The following LRRC4C variants were observed in gnomAD, a reference collection of about 807,000 sequenced individuals.
LRRC4C encodes the protein leucine rich repeat containing 4C, also known as leucine-rich repeat-containing protein 4C.
In LRRC4C, 5 loss-of-function variants were observed where a neutral mutation model predicts 33.6. That is an observed-to-expected ratio of 0.15 (90% CI 0.08 to 0.31). LRRC4C has a LOEUF of 0.31. Ranked by LOEUF, LRRC4C falls within the 10% of genes least tolerant of loss-of-function variation. LRRC4C has a pLI of 1.00. For synonymous variants in LRRC4C, 329 were observed against 302.0 expected (o/e 1.09, Z -0.93); for missense variants, 560 against 796.7 (o/e 0.70, Z 3.58).
chr11:40,786,289 T>C (rs919739950), intron 2 of LRRC4C, among the ~76,000 whole-genome samples: 8 of 152,236 alleles, frequency 5.3e-5, no homozygotes, highest in Non-Finnish European at 1.0e-4. Flanking sequence ...TGCAACTTGC[T>C]TTGGCCAATG....
At position 40,443,761 on chromosome 11, in the gene LRRC4C, G is replaced by C. The variant is rs981500500; in HGVS notation, c.-269-124040C>G. ...AGCAGAAAAATAAAATTTTAAAAACGTATTTTCAAAAATAAAAAGTGTGTT... is the reference window on the plus strand; with the variant it reads ...AGCAGAAAAATAAAATTTTAAAAACCTATTTTCAAAAATAAAAAGTGTGTT... On this transcript the variant is annotated intron_variant, in intron 3 of 6. Coordinates refer to ENST00000528697, the MANE Select transcript of LRRC4C (RefSeq NM_001258419.2). Among the ~76,000 whole-genome samples, 5 of 152,044 alleles carry C rather than the reference G, an allele frequency of 3.3e-5. 1 individual carries two copies.
At chr11:41,123,286 T>G (rs1172436553) in intron 1 of LRRC4C, among the ~76,000 whole-genome samples, 4 of 123,890 alleles carry the variant, frequency 3.2e-5, no homozygotes, top group Non-Finnish European at 5.0e-5. Context: ...TTTTTTTTTT[T>G]TTTTGAGACG....
rs1030595355 is a variant in LRRC4C, at chr11:41,303,369, G to A, written c.-496+156062C>T. Among the ~76,000 whole-genome samples, 22 of 120,168 alleles carry A rather than the reference G, an allele frequency of 1.8e-4. 1 individual carries two copies. The highest frequency in any genetic ancestry group is 1.2e-4 in the African/African-American group (4 of 32,916). 78.8% of individuals were successfully genotyped at this position (120,168 alleles called of 152,430 possible). On this transcript the variant is annotated intron_variant, in intron 1 of 6. Transcript: ENST00000528697. The stretch of plus-strand genomic sequence containing the variant: ...CTCCCGAGGTGCCGGGATTGCAGAC[G>A]GAGTCTCGTTCACTCAGTGCTCAAT...
intron 1 of LRRC4C, among the ~76,000 whole-genome samples, chr11:41,035,772 T>C (rs912086383): frequency 1.3e-5 from 2 of 152,142 alleles, no homozygotes; most frequent in African/African-American, 4.8e-5. Flanking sequence ...TTTTAGACAA[T>C]AAATATGTAG....
rs796659110 is a variant in LRRC4C, at chr11:40,724,944, A to T, written c.-406-76666T>A. On this transcript the variant is annotated intron_variant, in intron 2 of 6. Transcript: ENST00000528697. The stretch of plus-strand genomic sequence containing the variant: ...TCAGTCTTGGCAGATGAGGGATATG[A>T]TAACCAAGACCCCACGAATCTCACA... Among the ~76,000 whole-genome samples, 5 of 152,294 alleles carry T rather than the reference A, an allele frequency of 3.3e-5. 1 individual carries two copies. The highest frequency in any genetic ancestry group is 1.2e-4 in the African/African-American group (5 of 41,576).
intron 2 of LRRC4C, among the ~76,000 whole-genome samples, chr11:40,908,215 C>A (rs1818523713): frequency 6.6e-6 from 1 of 152,048 alleles, no homozygotes; most frequent in African/African-American, 2.4e-5. Flanking sequence ...AAGCCAGTTT[C>A]ACTTCTATTT....
chr11:40,889,909 T>G (rs1278309692), intron 2 of LRRC4C, among the ~76,000 whole-genome samples: 3 of 152,192 alleles, frequency 2.0e-5, no homozygotes, highest in Non-Finnish European at 2.9e-5. Context: ...GCACATATCC[T>G]GGCTTATAGT....
chr11:40,176,102 T>C (rs150596777), intron 5 of LRRC4C, among the ~76,000 whole-genome samples: 141 of 152,258 alleles, frequency 9.3e-4, no homozygotes, highest in African/African-American at 3.2e-3. Flanking sequence ...GATGACATAA[T>C]AATTGATATA....
At chr11:41,259,992 T>A (rs1948926066) in intron 1 of LRRC4C, among the ~76,000 whole-genome samples, 1 of 152,036 alleles carries the variant, frequency 6.6e-6, no homozygotes, top group Admixed American at 6.6e-5. Flanking sequence ...GCATCTAATA[T>A]CTGTAGGTGC....
chr11:40,526,858 T>C (rs1383152396), intron 3 of LRRC4C, among the ~76,000 whole-genome samples: 1 of 152,100 alleles, frequency 6.6e-6, no homozygotes. Context: ...ACTGAATAAA[T>C]GGCGATTGCT....
At chr11:41,209,735 GT>G (rs950719316) in intron 1 of LRRC4C, among the ~76,000 whole-genome samples, 14 of 152,112 alleles carry the variant, frequency 9.2e-5, no homozygotes, top group African/African-American at 3.1e-4. Context: ...TTGGGAGGGG[GT>G]GAATGTATTT....
At chr11:40,525,626 AC>A (rs1190478573) in intron 3 of LRRC4C, among the ~76,000 whole-genome samples, 1 of 152,182 alleles carries the variant, frequency 6.6e-6, no homozygotes, top group East Asian at 1.9e-4. Context: ...TGGAGGAATT[AC>A]TTTATTTATG....
chr11:40,610,361 T>C (rs1251101323), intron 3 of LRRC4C, among the ~76,000 whole-genome samples: 2 of 151,690 alleles, frequency 1.3e-5, no homozygotes, highest in Non-Finnish European at 2.9e-5. Context: ...AATAGAATAA[T>C]ATTACCTCAA....
chr11:40,777,338 T>A (rs1162869422), intron 2 of LRRC4C, among the ~76,000 whole-genome samples: 1 of 152,190 alleles, frequency 6.6e-6, no homozygotes, highest in Non-Finnish European at 1.5e-5. Flanking sequence ...TTCTCCTCTA[T>A]AATTATGTCC....
intron 2 of LRRC4C, among the ~76,000 whole-genome samples, chr11:40,752,096 C>T (rs1948716381): frequency 6.6e-6 from 1 of 152,014 alleles, no homozygotes; most frequent in Non-Finnish European, 1.5e-5. Flanking sequence ...ATACAAAAAT[C>T]AGCTCAAGAT....
intron 3 of LRRC4C, among the ~76,000 whole-genome samples, chr11:40,438,406 A>G (rs1951236661): frequency 6.6e-6 from 1 of 152,196 alleles, no homozygotes; most frequent in Admixed American, 6.5e-5. Context: ...TATCACCTTG[A>G]TTGGTCTCCA....
chr11:40,278,285 C>A (rs1162538001), intron 4 of LRRC4C, among the ~76,000 whole-genome samples: 1 of 152,114 alleles, frequency 6.6e-6, no homozygotes, highest in Non-Finnish European at 1.5e-5. Flanking sequence ...ATCACCATCC[C>A]TGGGTGGGCA....
At chr11:41,007,804 C>G (rs1037766550) in intron 1 of LRRC4C, among the ~76,000 whole-genome samples, 2 of 152,074 alleles carry the variant, frequency 1.3e-5, no homozygotes, top group African/African-American at 4.8e-5. Flanking sequence ...TAGTCATAAT[C>G]TCTTCCTGAA....
rs1001277483 is a variant in LRRC4C, at chr11:40,886,887, G to A, written c.-407+46748C>T. ...CACAAGCAAATATGTTTATATATGT[G>A]TGTGTGTGTGTGTGTATATACACAC... is the stretch of plus-strand genomic sequence containing the variant. On this transcript the variant is annotated intron_variant, in intron 2 of 6. Transcript: ENST00000528697. Among the ~76,000 whole-genome samples the A allele has an allele frequency of 2.7e-5, 4 of 146,546 alleles. No homozygotes were observed. The East Asian group carries it at 5.9e-4, about 22-fold the overall frequency.
Sources: allele counts gnomAD v4.1 joint callset (sites outside exome capture counted in the v4.1 genomes callset), GRCh38; gene constraint gnomAD v4.1.1; transcripts MANE v1.5; gene names NCBI Gene and HGNC (gene_info 2026-07-23, HGNC 2026-07-21).